LINGO2: variants seen among roughly 807,000 people sequenced by gnomAD.
LINGO2 encodes the protein leucine-rich repeat and immunoglobulin-like domain-containing nogo receptor-interacting protein 2.
A neutral mutation model predicts 30.6 loss-of-function variants in LINGO2; 14 were observed. The observed-to-expected ratio is 0.46, with a 90% confidence interval of 0.30 to 0.72. The LOEUF (loss-of-function observed/expected upper bound fraction) is 0.72. LINGO2 is among the 30% of genes least tolerant of loss of function. The pLI, the probability that LINGO2 is intolerant of heterozygous loss-of-function variation, is 0.07. For missense variants in LINGO2, 729 were observed against 751.7 expected (o/e 0.97, Z 0.35); for synonymous variants, 317 against 288.5 (o/e 1.10, Z -1.00).
intron 3 of LINGO2, among the ~76,000 whole-genome samples, chr9:28,350,714 C>T (rs994776380): frequency 2.6e-5 from 4 of 151,528 alleles, no homozygotes; most frequent in Non-Finnish European, 4.4e-5. Context: ...CAGCACCACA[C>T]CACACCTATT....
the LINGO2 span, among the ~76,000 whole-genome samples, chr9:28,728,456 G>T: frequency 6.6e-6 from 1 of 151,346 alleles, no homozygotes; most frequent in Non-Finnish European, 1.5e-5. Flanking sequence ...AGAAGTAAAT[G>T]AATAAATCAT....
At chr9:28,900,021 G>A in the LINGO2 span, among the ~76,000 whole-genome samples, 8 of 152,238 alleles carry the variant, frequency 5.3e-5, no homozygotes, top group South Asian at 2.1e-4. Flanking sequence ...GACTCAGGCC[G>A]ACAGCCTCTC....
At chr9:28,270,137 T>C (rs2134084309) in intron 4 of LINGO2, among the ~76,000 whole-genome samples, 1 of 152,254 alleles carries the variant, frequency 6.6e-6, no homozygotes, top group South Asian at 2.1e-4. Context: ...TTCGGCAAAG[T>C]GACAGAAACA....
At chr9:28,795,802 C>A in the LINGO2 span, among the ~76,000 whole-genome samples, 1 of 151,952 alleles carries the variant, frequency 6.6e-6, no homozygotes, top group Non-Finnish European at 1.5e-5. Flanking sequence ...CAAAAAGATC[C>A]TTACTATCTT....
downstream of LINGO2, among the ~76,000 whole-genome samples, chr9:27,947,581 G>A (rs1823415570): frequency 6.6e-6 from 1 of 152,260 alleles, no homozygotes; most frequent in East Asian, 1.9e-4. Flanking sequence ...GAAGCAGGAA[G>A]AAACCCTGAA....
At chr9:28,795,800 T>C in the LINGO2 span, among the ~76,000 whole-genome samples, 1 of 152,142 alleles carries the variant, frequency 6.6e-6, no homozygotes, top group East Asian at 1.9e-4. Flanking sequence ...TTCAAAAAGA[T>C]CCTTACTATC....
intron 2 of LINGO2, among the ~76,000 whole-genome samples, chr9:28,471,323 G>A (rs556711141): frequency 1.3e-5 from 2 of 152,326 alleles, no homozygotes; most frequent in South Asian, 2.1e-4. Flanking sequence ...GCAAGACAGT[G>A]AATGTAAAAG....
chr9:29,144,698 C>T, the LINGO2 span, among the ~76,000 whole-genome samples: 1 of 152,142 alleles, frequency 6.6e-6, no homozygotes, highest in African/African-American at 2.4e-5. Flanking sequence ...AGTCCTACCA[C>T]AGCACAGCTG....
intron 2 of LINGO2, among the ~76,000 whole-genome samples, chr9:28,473,215 T>C (rs75736801): frequency 2.1e-5 from 3 of 146,158 alleles, no homozygotes; most frequent in African/African-American, 5.0e-5. Context: ...GTTTTTTTTT[T>C]CAGCAGAAAG....
chr9:28,803,462 T>C, the LINGO2 span, among the ~76,000 whole-genome samples: 1 of 151,880 alleles, frequency 6.6e-6, no homozygotes, highest in Non-Finnish European at 1.5e-5. Flanking sequence ...AGGATGATAA[T>C]TCTGAACAAA....
intron 1 of LINGO2, among the ~76,000 whole-genome samples, chr9:28,597,909 C>T (rs189493310): frequency 1.4e-4 from 21 of 151,904 alleles, no homozygotes; most frequent in African/African-American, 2.9e-4. Context: ...AGATTACAGG[C>T]GTGTGGCATC....
the LINGO2 span, among the ~76,000 whole-genome samples, chr9:28,952,974 C>T: frequency 2.8e-4 from 43 of 152,218 alleles, no homozygotes; most frequent in African/African-American, 9.9e-4. Context: ...GAAATGTATG[C>T]ACAATGTCTG....
chr9:28,131,564 G>A (rs1827378948), intron 4 of LINGO2, among the ~76,000 whole-genome samples: 2 of 152,096 alleles, frequency 1.3e-5, no homozygotes, highest in Non-Finnish European at 2.9e-5. Context: ...AGGATCTAAG[G>A]CTGGAAAAGT....
At chr9:28,188,135 G>C (rs1475054467) in intron 4 of LINGO2, among the ~76,000 whole-genome samples, 1 of 152,032 alleles carries the variant, frequency 6.6e-6, no homozygotes, top group Non-Finnish European at 1.5e-5. Context: ...TTCTTCTGCT[G>C]TCTAGAGCTC....
downstream of LINGO2, among the ~76,000 whole-genome samples, chr9:27,946,792 A>G (rs1823380982): frequency 6.6e-6 from 1 of 152,188 alleles, no homozygotes; most frequent in African/African-American, 2.4e-5. Flanking sequence ...TCATCAGAAA[A>G]GTCAAATGAA....
At chr9:29,167,252 T>C in the LINGO2 span, among the ~76,000 whole-genome samples, 1 of 152,116 alleles carries the variant, frequency 6.6e-6, no homozygotes, top group African/African-American at 2.4e-5. Flanking sequence ...CAAATAACTT[T>C]AACATAATAA....
At chr9:28,156,920 C>T (rs1209440019) in intron 4 of LINGO2, among the ~76,000 whole-genome samples, 1 of 152,198 alleles carries the variant, frequency 6.6e-6, no homozygotes, top group Non-Finnish European at 1.5e-5. Context: ...TGGGCAGCTC[C>T]ACCCCTGTGG....
intron 3 of LINGO2, among the ~76,000 whole-genome samples, chr9:28,343,971 T>C (rs932249482): frequency 1.3e-5 from 2 of 152,280 alleles, no homozygotes; most frequent in Non-Finnish European, 2.9e-5. Context: ...CAGCCAAAGC[T>C]GACTTTCTAA....
At chr9:28,522,665 A>T (rs1001196899) in intron 1 of LINGO2, among the ~76,000 whole-genome samples, 1 of 152,234 alleles carries the variant, frequency 6.6e-6, no homozygotes, top group Non-Finnish European at 1.5e-5. Flanking sequence ...ATAAAATATG[A>T]TAAGAATAAG....
Sources: allele counts gnomAD v4.1 joint callset (sites outside exome capture counted in the v4.1 genomes callset), GRCh38; gene constraint gnomAD v4.1.1; transcripts MANE v1.5; gene names NCBI Gene and HGNC (gene_info 2026-07-23, HGNC 2026-07-21).